Variants in PRKACB observed in about 807,000 individuals in gnomAD.
PRKACB encodes protein kinase cAMP-activated catalytic subunit beta, also known as cAMP-dependent protein kinase catalytic subunit beta.
In PRKACB, 16 loss-of-function variants were observed where a neutral mutation model predicts 51.4. That is an observed-to-expected ratio of 0.31 (90% CI 0.21 to 0.47). The LOEUF is 0.47. PRKACB is among the 20% of genes least tolerant of loss of function. The pLI, the probability that PRKACB is intolerant of heterozygous loss-of-function variation, is 1.00. For missense variants in PRKACB, 309 were observed against 464.5 expected (o/e 0.67, Z 3.08); for synonymous variants, 147 against 154.4 (o/e 0.95, Z 0.35).
intron 2 of PRKACB, among the ~76,000 whole-genome samples, chr1:84,179,620 A>G (rs1662525060): frequency 6.6e-6 from 1 of 151,944 alleles, no homozygotes; most frequent in Non-Finnish European, 1.5e-5. Flanking sequence ...GAATTTGGCT[A>G]TCAACAACAT....
chr1:84,202,109 T>C (rs997008366), intron 7 of PRKACB, among the ~76,000 whole-genome samples: 2 of 152,094 alleles, frequency 1.3e-5, no homozygotes, highest in African/African-American at 2.4e-5. Context: ...AATATTTACA[T>C]GAATTGAATT....
intron 1 of PRKACB, among the ~76,000 whole-genome samples, chr1:84,080,375 ATTCTT>A (rs1359490610): frequency 1.3e-5 from 2 of 152,198 alleles, no homozygotes; most frequent in Non-Finnish European, 2.9e-5. Context: ...CTATGGATAA[ATTCTT>A]TTCTATGTTT....
At chr1:84,226,213 A>T (rs2101656296) in intron 9 of PRKACB, among the ~76,000 whole-genome samples, 2 of 147,372 alleles carry the variant, frequency 1.4e-5, no homozygotes, top group African/African-American at 4.9e-5. Context: ...AATCATCCTT[A>T]TCTCCTGTAT....
At position 84,198,957 on chromosome 1, in the gene PRKACB, T is replaced by TATATATGTGTATATATACATATATATG. The variant is rs1484812683; in HGVS notation, c.783+1133_783+1134insATATATGTGTATATATACATATATATG. On this transcript the variant is annotated intron_variant, in intron 7 of 9. Coordinates refer to ENST00000370685, the MANE Select transcript of PRKACB (RefSeq NM_182948.4). ...TATATGTGTATATATACATATATAT[T>TATATATGTGTATATATACATATATATG]CATATATATGTGTATACGCATATAT... Among the ~76,000 whole-genome samples the TATATATGTGTATATATACATATATATG allele has an allele frequency of 3.3e-3, 484 of 146,354 alleles. 1 individual carries two copies. The highest frequency in any genetic ancestry group is 5.6e-3 in the Non-Finnish European group (376 of 66,768).
At chr1:84,146,879 CAG>C (rs1307260463) in intron 1 of PRKACB, among the ~76,000 whole-genome samples, 2 of 151,918 alleles carry the variant, frequency 1.3e-5, no homozygotes, top group African/African-American at 4.8e-5. Flanking sequence ...AACTAAGTAA[CAG>C]AAATTCCTGT....
chr1:84,127,806 A>C (rs1651763117), intron 1 of PRKACB, among the ~76,000 whole-genome samples: 1 of 151,874 alleles, frequency 6.6e-6, no homozygotes, highest in Non-Finnish European at 1.5e-5. Context: ...AATATATTTT[A>C]TGTTTTGAAG....
At chr1:84,210,237 C>A (rs1471359201) in intron 8 of PRKACB, among the ~76,000 whole-genome samples, 1 of 151,912 alleles carries the variant, frequency 6.6e-6, no homozygotes, top group Non-Finnish European at 1.5e-5. Context: ...GAAAACAATC[C>A]TAAACAATAA....
chr1:84,209,272 C>G (rs1671784399), intron 8 of PRKACB, among the ~76,000 whole-genome samples: 2 of 152,184 alleles, frequency 1.3e-5, no homozygotes, highest in African/African-American at 4.8e-5. Context: ...AAATTCCATA[C>G]TCTTGTATCT....
chr1:84,142,481 C>T (rs1232552694), upstream of PRKACB, among the ~76,000 whole-genome samples: 19 of 152,130 alleles, frequency 1.2e-4, 1 homozygote, highest in Admixed American at 1.2e-3. Context: ...GTGTAAGGCA[C>T]TACCAGATGT....
chr1:84,172,006 C>T (rs1001203001), intron 1 of PRKACB, among the ~76,000 whole-genome samples: 3 of 151,364 alleles, frequency 2.0e-5, no homozygotes, highest in Non-Finnish European at 4.4e-5. Flanking sequence ...AAAATTCTAC[C>T]GAGGGATATT....
chr1:84,219,671 A>G (rs1451016176), intron 9 of PRKACB, among the ~76,000 whole-genome samples: 1 of 150,248 alleles, frequency 6.7e-6, no homozygotes, highest in African/African-American at 2.5e-5. Context: ...CTGCATATGG[A>G]TATCCAGTTT....
chr1:84,173,540 C>T (rs565316715), intron 1 of PRKACB, among the ~76,000 whole-genome samples: 2 of 151,636 alleles, frequency 1.3e-5, no homozygotes, highest in East Asian at 1.9e-4. Flanking sequence ...CCAAATAAAG[C>T]TCTAAAGAGG....
chr1:84,090,081 T>C (rs532767976), intron 1 of PRKACB, among the ~76,000 whole-genome samples: 1 of 152,290 alleles, frequency 6.6e-6, no homozygotes, highest in African/African-American at 2.4e-5. Context: ...AAATTTACTA[T>C]CATCAACCTC....
chr1:84,107,598 G>T (rs559449193), intron 1 of PRKACB, among the ~76,000 whole-genome samples: 2 of 152,128 alleles, frequency 1.3e-5, no homozygotes, highest in South Asian at 4.2e-4. Flanking sequence ...GTTAGTCTGG[G>T]TCTAATATCC....
chr1:84,219,503 G>GC (rs548064903), intron 9 of PRKACB, among the ~76,000 whole-genome samples: 97 of 151,998 alleles, frequency 6.4e-4, no homozygotes, highest in African/African-American at 2.2e-3. Flanking sequence ...GAGCCACCAT[G>GC]CCCCACCCAT....
chr1:84,195,177 T>C (rs532975926), intron 5 of PRKACB, among the ~76,000 whole-genome samples: 30 of 152,350 alleles, frequency 2.0e-4, no homozygotes, highest in African/African-American at 6.3e-4. Flanking sequence ...CTGCTTACAA[T>C]GTTCTCCTCA....
intron 1 of PRKACB, among the ~76,000 whole-genome samples, chr1:84,126,126 G>A (rs993876289): frequency 6.6e-6 from 1 of 152,094 alleles, no homozygotes; most frequent in Non-Finnish European, 1.5e-5. Context: ...GAGTCCTAGA[G>A]GGCATGTGTT....
intron 1 of PRKACB, among the ~76,000 whole-genome samples, chr1:84,177,124 A>G (rs900961934): frequency 6.6e-6 from 1 of 151,972 alleles, no homozygotes; most frequent in Non-Finnish European, 1.5e-5. Context: ...TTATACTCAT[A>G]TAGGCATCTG....
intron 1 of PRKACB, among the ~76,000 whole-genome samples, chr1:84,092,490 G>A (rs12728295): frequency 0.011 from 1,632 of 152,146 alleles, 16 homozygotes; most frequent in Non-Finnish European, 0.017. Context: ...ATGATTTTTG[G>A]TAAATATATG....
Sources: gnomAD v4.1 joint callset for allele counts (sites outside exome capture counted in the v4.1 genomes callset) on GRCh38, gnomAD v4.1.1 for gene constraint, MANE v1.5 for transcripts, NCBI Gene and HGNC (gene_info 2026-07-23, HGNC 2026-07-21) for gene names.